Variants in RBM33 observed in about 807,000 individuals in gnomAD.
The protein encoded by RBM33 is RNA-binding protein 33.
RBM33 carries 28 observed loss-of-function variants against 132.6 expected under a neutral mutation model. The observed-to-expected ratio is 0.21, with a 90% confidence interval of 0.16 to 0.29. The LOEUF (loss-of-function observed/expected upper bound fraction) is 0.29, where lower values mean the gene tolerates loss of function less well. Ranked by LOEUF, RBM33 falls within the 10% of genes least tolerant of loss-of-function variation. The probability of loss-of-function intolerance (pLI) is 1.00; values close to 1 mark genes in which losing one functional copy is unlikely to be tolerated. For missense variants in RBM33, 1,291 were observed against 1,518.5 expected (o/e 0.85, Z 2.49); for synonymous variants, 634 against 593.0 (o/e 1.07, Z -1.01).
At chr7:155,717,240 G>A (rs533287170) in intron 8 of RBM33, among the ~76,000 whole-genome samples, 10 of 152,094 alleles carry the variant, frequency 6.6e-5, no homozygotes, top group Non-Finnish European at 1.2e-4. Flanking sequence ...TTATTTTCTC[G>A]CAGTTCCGGA....
intron 14 of RBM33, among the ~76,000 whole-genome samples, chr7:155,746,824 A>G (rs1801532216): frequency 6.6e-6 from 1 of 152,260 alleles, no homozygotes; most frequent in African/African-American, 2.4e-5. Context: ...AGGCTTCTAG[A>G]GTAAACCAGC....
At chr7:155,720,422 C>T (rs1191428134) in intron 9 of RBM33, among the ~76,000 whole-genome samples, 1 of 152,132 alleles carries the variant, frequency 6.6e-6, no homozygotes, top group East Asian at 1.9e-4. Flanking sequence ...AAAAGCCCAC[C>T]AGTCTTGTTG....
chr7:155,780,326 G>A lies in RBM33; in HGVS notation c.*5285G>A, dbSNP rs1162805243. The A allele has an allele frequency of 2.6e-5, 4 of 152,244 alleles. No individual in the cohort carries two copies. Among genetic ancestry groups the A allele is most frequent in the Admixed American group, 2.0e-4 (3 of 15,280 alleles). 9.4% of individuals were successfully genotyped at this position (152,244 alleles called of 1,614,324 possible). A position where few individuals can be genotyped will look rare whatever the true frequency, so the allele number is the denominator to read the frequency against. On this transcript the variant is annotated 3_prime_UTR_variant, in exon 18 of 18. Coordinates refer to ENST00000401878, the MANE Select transcript of RBM33 (RefSeq NM_053043.3). Reference sequence around the variant, plus strand: ...TAATCCAGCTTTGCTTTTCACAGGCGTGGGATCCAGGATGGTGTCCTCTGT... The same window carrying A: ...TAATCCAGCTTTGCTTTTCACAGGCATGGGATCCAGGATGGTGTCCTCTGT...
intron 11 of RBM33, chr7:155,738,923 C>A (rs1370254374): frequency 3.2e-5 from 5 of 156,360 alleles, no homozygotes; most frequent in African/African-American, 1.2e-4. Context: ...TCGGCTTCTG[C>A]TTCATGGGTT....
chr7:155,681,131 C>T (rs893171621), intron 5 of RBM33, among the ~76,000 whole-genome samples: 2 of 152,202 alleles, frequency 1.3e-5, no homozygotes, highest in South Asian at 2.1e-4. Flanking sequence ...TGCAAAGAAT[C>T]GTGACCTTGA....
chr7:155,765,997 T>A (rs573581914), intron 15 of RBM33, among the ~76,000 whole-genome samples: 1 of 152,186 alleles, frequency 6.6e-6, no homozygotes, highest in Non-Finnish European at 1.5e-5. Flanking sequence ...GTCAGGTACA[T>A]GATGCTGTGG....
At chr7:155,649,219 G>GT (rs1798288904) in intron 1 of RBM33, among the ~76,000 whole-genome samples, 1 of 151,948 alleles carries the variant, frequency 6.6e-6, no homozygotes. Context: ...ATATTTTCCT[G>GT]TTTCCTCACC....
In RBM33 at chr7:155,780,099, C is replaced by T. The variant is rs993469161; in HGVS notation, c.*5058C>T. 1 of 152,182 alleles carries T rather than the reference C, an allele frequency of 6.6e-6. No homozygotes were observed. Among genetic ancestry groups the T allele is most frequent in the Non-Finnish European group, 1.5e-5 (1 of 68,018 alleles). The allele number at this position is 152,182 out of a possible 1,614,324, so 9.4% of individuals were successfully genotyped here. On this transcript the variant is annotated 3_prime_UTR_variant, in exon 18 of 18. Coordinates refer to ENST00000401878, the MANE Select transcript of RBM33 (RefSeq NM_053043.3). ...AAGTAGACCTCATGCATTCTTTTAG[C>T]ATGATTTTCTTTTAAACTGCTTTTC... is the stretch of plus-strand genomic sequence containing the variant.
At chr7:155,763,275 T>G (rs1038453445) in intron 14 of RBM33, among the ~76,000 whole-genome samples, 5 of 152,192 alleles carry the variant, frequency 3.3e-5, no homozygotes. Flanking sequence ...ATTGGAGAGG[T>G]CAGAGTATTT....
intron 6 of RBM33, among the ~76,000 whole-genome samples, chr7:155,703,834 GTC>G (rs1201264124): frequency 6.6e-6 from 1 of 152,192 alleles, no homozygotes; most frequent in Non-Finnish European, 1.5e-5. Context: ...AACCTGAACA[GTC>G]TCAGGTTCTG....
chr7:155,682,936 G>A (rs982517742), intron 5 of RBM33, among the ~76,000 whole-genome samples: 1 of 151,802 alleles, frequency 6.6e-6, no homozygotes, highest in African/African-American at 2.4e-5. Flanking sequence ...AGAAAATGTG[G>A]CAATTTAATA....
At chr7:155,712,913 T>A (rs556120209) in intron 8 of RBM33, among the ~76,000 whole-genome samples, 1 of 152,354 alleles carries the variant, frequency 6.6e-6, no homozygotes, top group Non-Finnish European at 1.5e-5. Flanking sequence ...AGAAGATTCC[T>A]CTTGCTGCCG....
At chr7:155,683,894 C>T (rs895173359) in intron 5 of RBM33, among the ~76,000 whole-genome samples, 4 of 152,090 alleles carry the variant, frequency 2.6e-5, no homozygotes, top group Admixed American at 6.5e-5. Context: ...TGTTTCCCAG[C>T]GAGAATCCAG....
chr7:155,721,289 CAG>C (rs1800617591), intron 9 of RBM33, among the ~76,000 whole-genome samples: 1 of 152,212 alleles, frequency 6.6e-6, no homozygotes, highest in African/African-American at 2.4e-5. Context: ...AGGCCCTGTG[CAG>C]AGAGGCGGGA....
chr7:155,653,939 GTGGGGCC>G (rs1190124128), intron 1 of RBM33, among the ~76,000 whole-genome samples: 1 of 152,198 alleles, frequency 6.6e-6, no homozygotes, highest in Non-Finnish European at 1.5e-5. Flanking sequence ...CCCTTAACCT[GTGGGGCC>G]TGCCCGAACT....
intron 12 of RBM33, among the ~76,000 whole-genome samples, chr7:155,740,468 C>G (rs1801295575): frequency 6.6e-6 from 1 of 152,184 alleles, no homozygotes; most frequent in Non-Finnish European, 1.5e-5. Context: ...TGTTCTGTTG[C>G]CAGGTGCTAC....
intron 14 of RBM33, among the ~76,000 whole-genome samples, chr7:155,763,178 G>A (rs1168564116): frequency 6.6e-6 from 1 of 152,258 alleles, no homozygotes; most frequent in Admixed American, 6.5e-5. Context: ...GTACTCTGTA[G>A]TTGCTAATGG....
At chr7:155,665,559 T>C (rs1350414941) in intron 2 of RBM33, among the ~76,000 whole-genome samples, 1 of 152,282 alleles carries the variant, frequency 6.6e-6, no homozygotes, top group Non-Finnish European at 1.5e-5. Flanking sequence ...AGTGGCCTTG[T>C]GCCAGAGTTC....
In RBM33 at chr7:155,774,411, A is replaced by G. The variant is rs1802537534; in HGVS notation, c.3376-148A>G. 6.7e-6 allele frequency: 4 copies of G among 593,946 alleles called. No individual in the cohort carries two copies. Among genetic ancestry groups the G allele is most frequent in the Non-Finnish European group, 1.2e-5 (4 of 338,638 alleles). 36.8% of individuals were successfully genotyped at this position (593,946 alleles called of 1,614,324 possible). On this transcript the variant is annotated intron_variant, in intron 16 of 17. Transcript: ENST00000401878. This position sits in a 1 kb window ranked among gnomAD's most constrained non-coding sequence, Gnocchi z 4.2. ...ATCTAGATAAGTAAGACAAATTGCC[A>G]GGGAGCTAGAAAGGAAAATCAATTA... is the stretch of plus-strand genomic sequence containing the variant.
Sources: allele counts gnomAD v4.1 joint callset (sites outside exome capture counted in the v4.1 genomes callset), GRCh38; gene constraint gnomAD v4.1.1; non-coding constraint Gnocchi (gnomAD v3.1); transcripts MANE v1.5; gene names NCBI Gene and HGNC (gene_info 2026-07-23, HGNC 2026-07-21).